The following SYBU variants were observed in gnomAD, a reference collection of about 807,000 sequenced individuals.
SYBU encodes GOLSYN A protein.
SYBU carries 21 observed loss-of-function variants against 35.9 expected under a neutral mutation model. The ratio of observed to expected loss-of-function variants is 0.58; its 90% CI spans 0.41 to 0.84. SYBU has a LOEUF of 0.84. Ranked by LOEUF, SYBU falls within the 40% of genes least tolerant of loss-of-function variation. The pLI is 0.00. For synonymous variants in SYBU, 319 were observed against 324.3 expected (o/e 0.98, Z 0.18); for missense variants, 768 against 848.2 (o/e 0.91, Z 1.17).
At chr8:109,621,308 G>C (rs1812374734) in intron 2 of SYBU, among the ~76,000 whole-genome samples, 1 of 152,214 alleles carries the variant, frequency 6.6e-6, no homozygotes, top group South Asian at 2.1e-4. Context: ...GTTAAAATTT[G>C]AGAACTGAAA....
intron 3 of SYBU, among the ~76,000 whole-genome samples, chr8:109,594,337 A>G (rs190468882): frequency 7.9e-5 from 12 of 152,200 alleles, no homozygotes; most frequent in Non-Finnish European, 1.0e-4. Flanking sequence ...GGAAAAGATG[A>G]GAATGTTTTG....
Position 109,575,567 on chromosome 8 carries a change from T to A in SYBU, c.1331A>T (p.Glu444Val). ...SIANSTDLFD[E>V]IVTATTTESG... is the part of the protein sequence containing the mutation. ...TTCTGTGGTGGTGGCTGTCACTATC[T>A]CATCGAACAAATCTGTGCTGTTGGC... is the stretch of plus-strand genomic sequence containing the variant. The change falls in exon 7 of 7, where the codon GAG becomes GTG. Residue 444 changes from glutamate to valine, a missense_variant. By Grantham distance (121) the Glu-to-Val change is moderately radical (BLOSUM62 -2). Transcript: ENST00000276646. 1 of 1,614,102 alleles carries A rather than the reference T, an allele frequency of 6.2e-7. No homozygotes were observed. Among genetic ancestry groups the A allele is most frequent in the Non-Finnish European group, 8.5e-7 (1 of 1,180,014 alleles).
intron 4 of SYBU, among the ~76,000 whole-genome samples, chr8:109,582,079 T>A (rs1370777669): frequency 6.6e-6 from 1 of 152,146 alleles, no homozygotes; most frequent in East Asian, 1.9e-4. Flanking sequence ...CTTAATCTGA[T>A]TATGAGAAAT....
At chr8:109,645,241 G>T (rs1197170338), upstream of SYBU, 1 of 456,538 alleles carries the variant, frequency 2.2e-6, no homozygotes, top group African/African-American at 2.0e-5. Context: ...TCAGCCTACA[G>T]CTCCCCACAA....
chr8:109,586,236 C>T, intron 3 of SYBU, 74 bp from the exon 4 acceptor site: 1 of 1,103,994 alleles, frequency 9.1e-7, no homozygotes, highest in Non-Finnish European at 1.3e-6. Context: ...TCCCTGCCTT[C>T]CAGGTCCCTG....
At chr8:109,595,616 A>G (rs1247411844) in intron 3 of SYBU, among the ~76,000 whole-genome samples, 1 of 152,228 alleles carries the variant, frequency 6.6e-6, no homozygotes, top group African/African-American at 2.4e-5. Context: ...TCCTGCTGGA[A>G]GCATGAAGAC....
At chr8:109,613,631 C>A (rs1353735286) in intron 3 of SYBU, among the ~76,000 whole-genome samples, 1 of 152,028 alleles carries the variant, frequency 6.6e-6, no homozygotes, top group Non-Finnish European at 1.5e-5. Context: ...CTCTCAACTC[C>A]CCTCTAGGTT....
chr8:109,664,702 A>G lies in SYBU; in HGVS notation c.-129+16009T>C, dbSNP rs1469095420. Reference sequence around the variant, plus strand: ...AATTTGAGTGAGACCTTGAAGCTTGAAGAAAGATGAGCAGGTGAGGCTTCC... The same window carrying G: ...AATTTGAGTGAGACCTTGAAGCTTGGAGAAAGATGAGCAGGTGAGGCTTCC... On this transcript the variant is annotated intron_variant, in intron 1 of 5. Coordinates refer to the SYBU transcript ENST00000408889. Among the ~76,000 whole-genome samples, 6 of 152,206 alleles carry G rather than the reference A, an allele frequency of 3.9e-5. No homozygotes were observed. The South Asian group carries it at 1.2e-3, about 31-fold the overall frequency.
intron 2 of SYBU, among the ~76,000 whole-genome samples, chr8:109,624,848 C>T (rs1336438407): frequency 6.6e-6 from 1 of 152,186 alleles, no homozygotes; most frequent in Non-Finnish European, 1.5e-5. Context: ...GGAACACAGC[C>T]ATGCCCAATC....
chr8:109,677,813 G>A (rs1194462339), intron 1 of SYBU, among the ~76,000 whole-genome samples: 4 of 152,164 alleles, frequency 2.6e-5, no homozygotes, highest in African/African-American at 9.7e-5. Context: ...AAACATTGCT[G>A]AATAACTCAA....
chr8:109,586,167 A>G lies in SYBU; in HGVS notation c.428-5T>C. On this transcript the variant is annotated splice_polypyrimidine_tract_variant and splice_region_variant and intron_variant, in intron 3 of 6. Transcript: ENST00000276646. The stretch of plus-strand genomic sequence containing the variant: ...AGCTAAAATCAGCTTCACTACCTGA[A>G]AAACAACAGGGGAGAGAGAAGCGTG... 1 of 1,597,374 alleles carries G rather than the reference A, an allele frequency of 6.3e-7. No homozygotes were observed.
At chr8:109,634,330 C>T (rs1405004929) in intron 2 of SYBU, among the ~76,000 whole-genome samples, 1 of 152,132 alleles carries the variant, frequency 6.6e-6, no homozygotes, top group Non-Finnish European at 1.5e-5. Context: ...AGTCATGGTT[C>T]TATTGTGGAG....
intron 3 of SYBU, among the ~76,000 whole-genome samples, chr8:109,596,368 T>A (rs2129949669): frequency 6.6e-6 from 1 of 152,342 alleles, no homozygotes; most frequent in Non-Finnish European, 1.5e-5. Context: ...TAGGTATTTA[T>A]GTTTTGTTTA....
intron 2 of SYBU, among the ~76,000 whole-genome samples, chr8:109,622,078 T>A (rs1342064260): frequency 6.6e-6 from 1 of 152,188 alleles, no homozygotes; most frequent in Non-Finnish European, 1.5e-5. Context: ...AACACTCCTT[T>A]TCAAAATTCT....
intron 1 of SYBU, among the ~76,000 whole-genome samples, chr8:109,653,046 C>T (rs1816212441): frequency 6.6e-6 from 1 of 152,162 alleles, no homozygotes; most frequent in South Asian, 2.1e-4. Flanking sequence ...TTTCTTCTCC[C>T]CTTCCTCAAT....
intron 2 of SYBU, among the ~76,000 whole-genome samples, chr8:109,631,989 CT>C (rs1472762864): frequency 1.3e-5 from 2 of 151,574 alleles, no homozygotes; most frequent in African/African-American, 4.9e-5. Flanking sequence ...AGAAAGAGAA[CT>C]AAAAAGACAA....
intron 1 of SYBU, among the ~76,000 whole-genome samples, chr8:109,659,979 A>G (rs1479106441): frequency 6.6e-6 from 1 of 152,140 alleles, no homozygotes. Context: ...CAACCTTAAC[A>G]TTTATGAGTC....
chr8:109,594,464 C>T (rs1250733955), intron 3 of SYBU, among the ~76,000 whole-genome samples: 3 of 152,128 alleles, frequency 2.0e-5, no homozygotes, highest in Non-Finnish European at 2.9e-5. Context: ...ACATAATTCA[C>T]AACTCGTTGC....
At chr8:109,678,476 T>C (rs1402512341) in intron 1 of SYBU, among the ~76,000 whole-genome samples, 3 of 143,612 alleles carry the variant, frequency 2.1e-5, no homozygotes, top group Non-Finnish European at 4.5e-5. Flanking sequence ...AGTCTTGCTC[T>C]GTAGCCCAAG....
Sources: gnomAD v4.1 joint callset for allele counts (sites outside exome capture counted in the v4.1 genomes callset) on GRCh38, gnomAD v4.1.1 for gene constraint, MANE v1.5 for transcripts, NCBI Gene and HGNC (gene_info 2026-07-23, HGNC 2026-07-21) for gene names.